Variants in NAV2 observed in about 807,000 individuals in gnomAD.
NAV2 encodes the protein helicase, APC down-regulated 1.
A neutral mutation model predicts 223.2 loss-of-function variants in NAV2; 54 were observed. The ratio of observed to expected loss-of-function variants is 0.24; its 90% confidence interval spans 0.19 to 0.30. The LOEUF (loss-of-function observed/expected upper bound fraction) is 0.30, where lower values mean the gene tolerates loss of function less well. NAV2 is among the 10% of genes least tolerant of loss of function. The probability of loss-of-function intolerance (pLI) is 1.00; values close to 1 mark genes in which losing one functional copy is unlikely to be tolerated. For synonymous variants in NAV2, 1,279 were observed against 1,239.3 expected, an observed-to-expected ratio of 1.03 and a Z score of -0.67; for missense variants, 2,806 against 3,147.5, an observed-to-expected ratio of 0.89 and a Z score of 2.60.
rs562241228 is a variant in NAV2 at position 19,569,641 on chromosome 11, G to T, written c.75+218614G>T. On this transcript the variant is annotated intron_variant, in intron 1 of 37. Transcript: ENST00000360655. ...TGTGGCCCCCATAGCACAGAGCTTG[G>T]TACATAATAGACCTCAGTAAATGAA... Among the ~76,000 whole-genome samples the T allele has an allele frequency of 3.3e-5, 5 of 152,176 alleles. No individual in the cohort carries two copies. In the South Asian group the frequency reaches 1.0e-3, roughly 32 times the overall value.
intron 1 of NAV2, among the ~76,000 whole-genome samples, chr11:19,361,371 G>A (rs1377611862): frequency 4.6e-5 from 7 of 151,952 alleles, no homozygotes; most frequent in East Asian, 1.9e-4. Context: ...GTCACCTCTC[G>A]AGTGACAGGC....
At chr11:19,548,077 G>A (rs958034467) in intron 1 of NAV2, among the ~76,000 whole-genome samples, 4 of 152,204 alleles carry the variant, frequency 2.6e-5, no homozygotes, top group African/African-American at 7.2e-5. Flanking sequence ...CTCTGCAGCT[G>A]CCATCTTTCC....
chr11:19,929,870 C>T (rs1273499660), intron 6 of NAV2, among the ~76,000 whole-genome samples: 1 of 152,164 alleles, frequency 6.6e-6, no homozygotes, highest in Admixed American at 6.5e-5. Flanking sequence ...AATAACTGAC[C>T]TATAGCAGAA....
intron 1 of NAV2, among the ~76,000 whole-genome samples, chr11:19,782,006 C>G (rs2056787878): frequency 6.6e-6 from 1 of 152,136 alleles, no homozygotes; most frequent in Non-Finnish European, 1.5e-5. Flanking sequence ...GTATTACCAC[C>G]TTCAGCTAGA....
intron 5 of NAV2, among the ~76,000 whole-genome samples, chr11:19,891,975 T>C (rs182234559): frequency 1.8e-3 from 276 of 152,316 alleles, no homozygotes; most frequent in Non-Finnish European, 2.9e-3. Flanking sequence ...TTGTTTTGTT[T>C]TGAGTCAGGG....
chr11:19,416,482 G>T (rs1039916167), intron 1 of NAV2, among the ~76,000 whole-genome samples: 13 of 152,122 alleles, frequency 8.5e-5, no homozygotes, highest in African/African-American at 2.7e-4. Context: ...CATGCTCATG[G>T]ATAGGAAGAA....
chr11:19,460,888 C>A (rs1005071340), intron 1 of NAV2, among the ~76,000 whole-genome samples: 2 of 152,074 alleles, frequency 1.3e-5, no homozygotes, highest in African/African-American at 4.8e-5. Context: ...CCTTTGCCTG[C>A]TAGGTGGGGT....
At chr11:19,358,473 T>G (rs1199656297) in intron 1 of NAV2, among the ~76,000 whole-genome samples, 3 of 152,164 alleles carry the variant, frequency 2.0e-5, no homozygotes, top group African/African-American at 7.2e-5. Context: ...GTACAGGGGA[T>G]TTCTTCCTTA....
chr11:19,476,094 C>T (rs529898820), intron 1 of NAV2, among the ~76,000 whole-genome samples: 1 of 152,280 alleles, frequency 6.6e-6, no homozygotes, highest in African/African-American at 2.4e-5. Context: ...CCTGCCTCAG[C>T]CTCCCGAGTA....
chr11:19,898,440 G>A lies in NAV2; in HGVS notation c.931+5846G>A, dbSNP rs111269015. The stretch of plus-strand genomic sequence containing the variant: ...ATTATTCTTCAGAAGCTCTGTACCC[G>A]TACACACATTGATATTACTTTCAAA... On this transcript the variant is annotated intron_variant, in intron 6 of 37. Coordinates refer to ENST00000349880, the MANE Select transcript of NAV2 (RefSeq NM_145117.5). Among the ~76,000 whole-genome samples the A allele has an allele frequency of 5.1e-3, 778 of 152,208 alleles. 6 individuals carry two copies. The highest frequency in any genetic ancestry group is 0.018 in the African/African-American group (728 of 41,538).
intron 6 of NAV2, among the ~76,000 whole-genome samples, chr11:19,899,187 C>T (rs796293547): frequency 1.1e-4 from 17 of 152,316 alleles, no homozygotes; most frequent in African/African-American, 4.1e-4. Flanking sequence ...CATTCCCTTC[C>T]TCTTTGTTCA....
chr11:19,381,356 CTTAAT>C (rs1370562373), intron 1 of NAV2, among the ~76,000 whole-genome samples: 1 of 152,146 alleles, frequency 6.6e-6, no homozygotes, highest in Non-Finnish European at 1.5e-5. Context: ...TCATTAAACA[CTTAAT>C]TTAAGGATTT....
intron 2 of NAV2, 37 bp from the exon 3 acceptor site, chr11:19,842,834 G>T (rs1486399029): frequency 6.2e-7 from 1 of 1,604,840 alleles, no homozygotes; most frequent in Admixed American, 1.7e-5. Context: ...GTGTCTCTCT[G>T]GTGATTTATT....
At chr11:19,614,133 G>A (rs924800114) in intron 1 of NAV2, among the ~76,000 whole-genome samples, 12 of 152,122 alleles carry the variant, frequency 7.9e-5, no homozygotes, top group African/African-American at 2.9e-4. Context: ...GGTGCAGAAG[G>A]CCTTAAAACA....
chr11:19,351,425 G>A (rs950433144), intron 1 of NAV2, among the ~76,000 whole-genome samples: 2 of 152,212 alleles, frequency 1.3e-5, no homozygotes, highest in African/African-American at 4.8e-5. Flanking sequence ...ATTATTCTCT[G>A]TGTGGTTGTC....
At chr11:20,082,042 C>G (rs2060125534) in intron 25 of NAV2, among the ~76,000 whole-genome samples, 1 of 152,070 alleles carries the variant, frequency 6.6e-6, no homozygotes. Flanking sequence ...CCTTTTCCCC[C>G]CATATGGTTA....
At chr11:19,676,589 G>C (rs2048718384) in intron 1 of NAV2, among the ~76,000 whole-genome samples, 1 of 152,192 alleles carries the variant, frequency 6.6e-6, no homozygotes, top group African/African-American at 2.4e-5. Context: ...CTGTACAATA[G>C]TGCTGGGACA....
Position 19,701,270 on chromosome 11 carries a change from G to A in NAV2, c.76-131214G>A, listed in dbSNP as rs538956631. 1.0e-3 allele frequency among the ~76,000 whole-genome samples: 157 copies of A among 152,292 alleles called. 3 individuals carry two copies. Among genetic ancestry groups the A allele is most frequent in the Admixed American group, 3.7e-3 (57 of 15,310 alleles). The stretch of plus-strand genomic sequence containing the variant: ...AACCAGAAGAAAATGGGGTCGTGGA[G>A]ATCAAAGGCAAGGAAAGTGCTCAAA... On this transcript the variant is annotated intron_variant, in intron 1 of 37. Coordinates refer to the NAV2 transcript ENST00000360655.
At chr11:19,596,299 T>C (rs11823274) in intron 1 of NAV2, among the ~76,000 whole-genome samples, 10,089 of 152,228 alleles carry the variant, frequency 0.066, 1,127 homozygotes, top group African/African-American at 0.23. Flanking sequence ...ACCTAGCACA[T>C]TTCTTAAATC....
Sources: gnomAD v4.1 joint callset for allele counts (sites outside exome capture counted in the v4.1 genomes callset) on GRCh38, gnomAD v4.1.1 for gene constraint, MANE v1.5 for transcripts, NCBI Gene and HGNC (gene_info 2026-07-23, HGNC 2026-07-21) for gene names.